LCA5L: variants seen among roughly 807,000 people sequenced by gnomAD.
LCA5L encodes the protein lebercilin-like protein.
A neutral mutation model predicts 45.4 loss-of-function variants in LCA5L; 35 were observed. The ratio of observed to expected loss-of-function variants is 0.77; its 90% confidence interval spans 0.59 to 1.02. The LOEUF (loss-of-function observed/expected upper bound fraction) is 1.02. Ranked by LOEUF, LCA5L falls within the 50% of genes least tolerant of loss-of-function variation. LCA5L has a pLI of 0.00. For missense variants in LCA5L, 668 were observed against 761.6 expected, an observed-to-expected ratio of 0.88 and a Z score of 1.45; for synonymous variants, 233 against 264.7, an observed-to-expected ratio of 0.88 and a Z score of 1.16.
At chr21:39,411,557 A>G (rs1167711529) in intron 8 of LCA5L, among the ~76,000 whole-genome samples, 161 bp downstream of exon 8, 2 of 152,200 alleles carry the variant, frequency 1.3e-5, no homozygotes, top group African/African-American at 2.4e-5. Context: ...CTTGCTAGCC[A>G]TGTCACCATC....
rs1003718729 is a variant in LCA5L at position 39,406,428 on chromosome 21, T to C, written c.1467A>G (p.Val489=). 1.2e-6 allele frequency: 2 copies of C among 1,614,172 alleles called. No homozygotes were observed. The highest frequency in any genetic ancestry group is 1.7e-6 in the Non-Finnish European group (2 of 1,180,020). Residue 489 remains valine (V), a synonymous_variant, in exon 11 of 11, where the codon GTA becomes GTG. Coordinates refer to ENST00000288350, the MANE Select transcript of LCA5L (RefSeq NM_152505.4). ...GCATGCTTCTTTTAAACTTTTCTCT[T>C]ACTAGAACATCTTCTTGATTGCTTT... ...ERESNQEDVL[V]REKFKRSMQR...
At position 39,411,784 on chromosome 21, in the gene LCA5L, C is replaced by G; in HGVS notation, c.994G>C (p.Glu332Gln). The change falls in exon 8 of 11, where the codon GAA (glutamate) becomes CAA (glutamine). Residue 332 changes from glutamate to glutamine, a missense_variant. By Grantham distance (29) the Glu-to-Gln change is conservative. Transcript: ENST00000288350. ...QKLKEKDREL[E>Q]IKNIYSHRIL... is the part of the protein sequence containing the mutation. ...CGATGACTATAGATGTTTTTAATTT[C>G]AAGCTCACGATCCTTTTCCTAAAAA... 2 of 1,586,408 alleles carry G rather than the reference C, an allele frequency of 1.3e-6. No homozygotes were observed. The highest frequency in any genetic ancestry group is 1.7e-6 in the Non-Finnish European group (2 of 1,161,982).
chr21:39,419,021 A>G, intron 7 of LCA5L, among the ~76,000 whole-genome samples: 1 of 152,114 alleles, frequency 6.6e-6, no homozygotes, highest in South Asian at 2.1e-4. Context: ...TCCACAGAAA[A>G]AAGGAACTCT....
At chr21:39,423,629 G>A (rs1274518149) in intron 5 of LCA5L, 139 bp from the exon 6 acceptor site, 1 of 628,150 alleles carries the variant, frequency 1.6e-6, no homozygotes, top group Non-Finnish European at 2.5e-6. Context: ...ACTAGAAGGG[G>A]ACAAAACTAT....
rs1428428781 is a variant in LCA5L, at chr21:39,420,727, T to A, written c.954A>T (p.Lys318Asn). 1.2e-6 allele frequency: 2 copies of A among 1,612,414 alleles called. No individual in the cohort carries two copies. Among genetic ancestry groups the A allele is most frequent in the Non-Finnish European group, 1.7e-6 (2 of 1,178,950 alleles). The change falls in exon 7 of 11, where the codon AAA becomes AAT. Residue 318 changes from lysine (K) to asparagine (N), a missense_variant. Physicochemically the swap from Lys to Asn is moderately conservative, Grantham distance 94. Transcript: ENST00000288350. ...TATKTLQVEV[K>N]HLQQKLKEKD... ...ATACCTTAAGTTTTTGTTGAAGGTG[T>A]TTTACTTCCACCTGCAGAGTCTTGG...
Position 39,420,472 on chromosome 21 carries a change from G to A in LCA5L, c.975+234C>T, listed in dbSNP as rs182400818. ...TGGGAGGCAGAGGCTGCAGTGAGCC[G>A]AGATCATGCCACTGCACTCCAGCCT... On this transcript the variant is annotated intron_variant, in intron 7 of 10. Coordinates refer to ENST00000288350, the MANE Select transcript of LCA5L (RefSeq NM_152505.4). Among the ~76,000 whole-genome samples the A allele has an allele frequency of 2.4e-4, 30 of 126,676 alleles. No homozygotes were observed. In the East Asian group the frequency reaches 6.1e-3, roughly 26 times the overall value. The allele number at this position is 126,676 out of a possible 152,430, so 83.1% of individuals were successfully genotyped here.
intron 5 of LCA5L, chr21:39,427,956 A>C (rs532739131): frequency 2.6e-6 from 1 of 379,538 alleles, no homozygotes; most frequent in Admixed American, 4.5e-5. Context: ...TAAGCCATGC[A>C]GGGGGCTAGG....
Position 39,406,261 on chromosome 21 carries a change from T to G in LCA5L, c.1634A>C (p.Asn545Thr). ...HGLPASGGPA[N>T]AGNMRYSHST... ...ATGACTGTACCTCATGTTGCCGGCA[T>G]TGGCTGGCCCCCCTGAAGCAGGAAG... The change falls in exon 11 of 11, where the codon AAT becomes ACT. Residue 545 changes from asparagine (N) to threonine (T), a missense_variant. By Grantham distance (65) the Asn-to-Thr change is moderately conservative (BLOSUM62 0). Coordinates refer to ENST00000288350, the MANE Select transcript of LCA5L (RefSeq NM_152505.4). The G allele has an allele frequency of 6.2e-7, 1 of 1,614,220 alleles. No homozygotes were observed. Among genetic ancestry groups the G allele is most frequent in the Non-Finnish European group, 8.5e-7 (1 of 1,180,034 alleles).
chr21:39,423,094 TC>T lies in LCA5L; in HGVS notation c.718del (p.Asp240IlefsTer46). 2 of 1,613,990 alleles carry T rather than the reference TC, an allele frequency of 1.2e-6. No homozygotes were observed. The highest frequency in any genetic ancestry group is 1.7e-6 in the Non-Finnish European group (2 of 1,179,830). On this transcript the variant is annotated frameshift_variant, in exon 6 of 11. Coordinates refer to ENST00000288350, the MANE Select transcript of LCA5L (RefSeq NM_152505.4). LOFTEE classifies it high-confidence loss of function. ...ETDSQLLKTK[D>X]ILQALQKLSE... Reference sequence around the variant, plus strand: ...AAGTTTCTGCAGTGCCTGCAAGATATCTTTAGTCTTCAGTAACTGGCTGTCA... The same window carrying T: ...AAGTTTCTGCAGTGCCTGCAAGATATTTTAGTCTTCAGTAACTGGCTGTCA...
intron 4 of LCA5L, 93 bp from the exon 5 acceptor site, chr21:39,428,596 ATATTTTTTTTTTTTTTTTT>A (rs1356111916): frequency 1.8e-4 from 6 of 33,458 alleles, no homozygotes; most frequent in African/African-American, 5.0e-4. Context: ...ATATATATAT[ATATTTTTTTTTTTTTTTTT>A]TTTTTTTTTT....
chr21:39,426,266 A>G (rs1913246186), intron 5 of LCA5L, among the ~76,000 whole-genome samples: 2 of 152,184 alleles, frequency 1.3e-5, no homozygotes, highest in Non-Finnish European at 2.9e-5. Flanking sequence ...TACTGTATCC[A>G]TCACGCATAC....
At chr21:39,421,002 G>C (rs147951024) in intron 6 of LCA5L, among the ~76,000 whole-genome samples, 159 bp from the exon 7 acceptor site, 3 of 151,966 alleles carry the variant, frequency 2.0e-5, no homozygotes, top group African/African-American at 7.2e-5. Flanking sequence ...AAGTATAACC[G>C]AAAGAAAGAC....
chr21:39,411,725 A>G lies in LCA5L; in HGVS notation c.1053T>C (p.Tyr351=). ...ILKNLHDTED[Y]PKVSSTKSVQ... ...AAAGTAATTAAAACATACCTTTTGG[A>G]TAGTCCTCTGTGTCATGTAAATTTT... is the stretch of plus-strand genomic sequence containing the variant. Residue 351 remains tyrosine (Y), a synonymous_variant, in exon 8 of 11, where the codon TAT becomes TAC. Coordinates refer to ENST00000288350, the MANE Select transcript of LCA5L (RefSeq NM_152505.4). The G allele has an allele frequency of 6.8e-7, 1 of 1,479,340 alleles. No individual in the cohort carries two copies. 91.6% of individuals were successfully genotyped at this position (1,479,340 alleles called of 1,614,324 possible).
intron 7 of LCA5L, among the ~76,000 whole-genome samples, chr21:39,416,943 T>C (rs902776996): frequency 6.6e-6 from 1 of 152,224 alleles, no homozygotes; most frequent in Non-Finnish European, 1.5e-5. Flanking sequence ...CAGCGTTCCC[T>C]GTCTGCAGGT....
chr21:39,442,866 C>A (rs572613677), intron 2 of LCA5L, among the ~76,000 whole-genome samples: 5 of 151,998 alleles, frequency 3.3e-5, no homozygotes, highest in African/African-American at 1.2e-4. Context: ...AAAAGCTGTG[C>A]GTGTGAATCT....
At chr21:39,439,013 G>A (rs1347258192) in intron 2 of LCA5L, 1 of 152,074 alleles carries the variant, frequency 6.6e-6, no homozygotes, top group Non-Finnish European at 1.5e-5. Flanking sequence ...ATAGCAAAAG[G>A]GACTTTGCAG....
intron 5 of LCA5L, among the ~76,000 whole-genome samples, chr21:39,424,092 A>G (rs2074219627): frequency 1.3e-5 from 2 of 151,942 alleles, no homozygotes; most frequent in Non-Finnish European, 2.9e-5. Flanking sequence ...GGCTCACTGC[A>G]ACCTCTGCAT....
intron 2 of LCA5L, among the ~76,000 whole-genome samples, chr21:39,437,202 C>G (rs2076370365): frequency 6.6e-6 from 1 of 152,110 alleles, no homozygotes; most frequent in African/African-American, 2.4e-5. Context: ...GAAAGCTTTC[C>G]CAATGTGATA....
chr21:39,443,420 G>A (rs2077067160), intron 2 of LCA5L: 1 of 152,396 alleles, frequency 6.6e-6, no homozygotes, highest in Admixed American at 6.5e-5. Context: ...TTTGGCGAGT[G>A]GAAAGCGATG....
Sources: allele counts gnomAD v4.1 joint callset (sites outside exome capture counted in the v4.1 genomes callset), GRCh38; gene constraint gnomAD v4.1.1; transcripts MANE v1.5; gene names NCBI Gene and HGNC (gene_info 2026-07-23, HGNC 2026-07-21).